Variants in ASZ1 observed in about 807,000 individuals in gnomAD.
ASZ1 encodes the protein ankyrin repeat, SAM and basic leucine zipper domain containing 1.
A neutral mutation model predicts 61.8 loss-of-function variants in ASZ1; 67 were observed. The observed-to-expected ratio is 1.08, with a 90% CI of 0.89 to 1.33. ASZ1 has a LOEUF of 1.33. ASZ1 is among the 40% of genes most tolerant of loss of function. ASZ1 has a pLI of 0.00. For synonymous variants in ASZ1, 193 were observed against 192.7 expected (o/e 1.00, Z -0.01); for missense variants, 577 against 554.5 (o/e 1.04, Z -0.41).
In ASZ1 at chr7:117,382,927, T is replaced by C. The variant is rs768791178; in HGVS notation, c.812+59A>G. 90 of 1,423,574 alleles carry C rather than the reference T, an allele frequency of 6.3e-5. No individual in the cohort carries two copies. In the Middle Eastern group the frequency reaches 9.8e-4, roughly 16 times the overall value. The allele number at this position is 1,423,574 out of a possible 1,614,324, so 88.2% of individuals were successfully genotyped here. ...AAATAAGTCACCACATTTACTACAA[T>C]AAAATATACACAAATTTTACTTATA... On this transcript the variant is annotated intron_variant, in intron 7 of 12. Transcript: ENST00000284629.
intron 4 of ASZ1, among the ~76,000 whole-genome samples, chr7:117,406,685 G>A (rs546906567): frequency 1.3e-5 from 2 of 152,072 alleles, no homozygotes; most frequent in African/African-American, 4.8e-5. Flanking sequence ...CCCGGGAGGC[G>A]GAGGTTGTGG....
intron 4 of ASZ1, 53 bp downstream of exon 4, chr7:117,420,110 C>A: frequency 2.9e-6 from 4 of 1,377,078 alleles, no homozygotes; most frequent in Non-Finnish European, 1.0e-6. Flanking sequence ...AGGCTGATAC[C>A]AAAGAAAAAT....
chr7:117,415,907 T>C (rs1200046712), intron 4 of ASZ1, among the ~76,000 whole-genome samples: 1 of 151,770 alleles, frequency 6.6e-6, no homozygotes, highest in Non-Finnish European at 1.5e-5. Context: ...AATAAAGGAG[T>C]GGGCCAGGCG....
chr7:117,370,452 C>T (rs755714703), intron 10 of ASZ1, among the ~76,000 whole-genome samples: 2 of 152,060 alleles, frequency 1.3e-5, no homozygotes, highest in Non-Finnish European at 2.9e-5. Flanking sequence ...AAAGATTAGG[C>T]ACATTAAGTA....
intron 12 of ASZ1, among the ~76,000 whole-genome samples, chr7:117,366,780 G>A (rs1241185044): frequency 1.3e-5 from 2 of 152,064 alleles, no homozygotes; most frequent in Non-Finnish European, 2.9e-5. Context: ...CCACAATCGT[G>A]TCTCTTTAAC....
intron 12 of ASZ1, among the ~76,000 whole-genome samples, chr7:117,365,566 G>A (rs1795920153): frequency 6.6e-6 from 1 of 152,098 alleles, no homozygotes; most frequent in Non-Finnish European, 1.5e-5. Flanking sequence ...ATAGCTTTTA[G>A]GAAATTTCCT....
At chr7:117,369,427 C>T (rs978783172) in intron 10 of ASZ1, among the ~76,000 whole-genome samples, 14 of 152,090 alleles carry the variant, frequency 9.2e-5, no homozygotes, top group Non-Finnish European at 1.6e-4. Flanking sequence ...TGTAGAGTTA[C>T]TAAGAGATTT....
Position 117,422,685 on chromosome 7 carries a change from G to A in ASZ1, c.206-326C>T, listed in dbSNP as rs981390393. On this transcript the variant is annotated intron_variant, in intron 2 of 12. Transcript: ENST00000284629. ...GGGGAGCTGGAAAGGTTTCACAGAG[G>A]TAAAATGTCTTTTAAATTAGAATAT... is the stretch of plus-strand genomic sequence containing the variant. 2.0e-5 allele frequency among the ~76,000 whole-genome samples: 3 copies of A among 152,152 alleles called. No homozygotes were observed. The South Asian group carries it at 6.2e-4, about 32-fold the overall frequency.
At chr7:117,420,075 G>A (rs757461111) in intron 4 of ASZ1, 88 bp downstream of exon 4, 2 of 907,390 alleles carry the variant, frequency 2.2e-6, no homozygotes, top group South Asian at 1.8e-5. Context: ...ATTTGGCCAA[G>A]TAAACATTGT....
At chr7:117,380,808 A>G (rs746097397) in intron 9 of ASZ1, among the ~76,000 whole-genome samples, 8 of 144,270 alleles carry the variant, frequency 5.5e-5, no homozygotes, top group Non-Finnish European at 7.6e-5. Context: ...AACCCAAACT[A>G]TAAGTCATTA....
chr7:117,383,613 G>C (rs755621158), intron 6 of ASZ1, among the ~76,000 whole-genome samples: 1 of 151,834 alleles, frequency 6.6e-6, no homozygotes, highest in Non-Finnish European at 1.5e-5. Flanking sequence ...ACCTCAAAAA[G>C]ATATGGTGAA....
chr7:117,388,212 G>T (rs570529260), intron 4 of ASZ1, among the ~76,000 whole-genome samples: 1 of 152,034 alleles, frequency 6.6e-6, no homozygotes, highest in Non-Finnish European at 1.5e-5. Context: ...TGGCTCCACT[G>T]GTGAATTCTA....
chr7:117,368,762 G>A (rs1455020122), intron 10 of ASZ1, 45 bp from the exon 11 acceptor site: 1 of 1,601,128 alleles, frequency 6.2e-7, no homozygotes, highest in Non-Finnish European at 8.5e-7. Context: ...ACTAATAAGA[G>A]CAATTTATTT....
intron 2 of ASZ1, 40 bp from the exon 3 acceptor site, chr7:117,422,399 C>A (rs1421113197): frequency 2.5e-6 from 4 of 1,595,912 alleles, no homozygotes; most frequent in South Asian, 2.3e-5. Flanking sequence ...CACACTACCA[C>A]CAAAGAAAAA....
chr7:117,403,534 T>TCTGA lies in ASZ1; in HGVS notation c.440+16628_440+16629insTCAG, dbSNP rs1796719495. On this transcript the variant is annotated intron_variant, in intron 4 of 12. Coordinates refer to ENST00000284629, the MANE Select transcript of ASZ1 (RefSeq NM_130768.3). ...TGGAATTTTTTGGCAGTTTGGAGGGTCAAGCCTGACAAAATACTCGTTCCC... is the reference window on the plus strand; with the variant it reads ...TGGAATTTTTTGGCAGTTTGGAGGGTCTGACAAGCCTGACAAAATACTCGTTCCC... Among the ~76,000 whole-genome samples, 3 of 152,232 alleles carry TCTGA rather than the reference T, an allele frequency of 2.0e-5. No homozygotes were observed. In the South Asian group the frequency reaches 6.2e-4, roughly 32 times the overall value.
chr7:117,386,151 T>C lies in ASZ1; in HGVS notation c.441-342A>G, dbSNP rs1192498141. 3.3e-5 allele frequency among the ~76,000 whole-genome samples: 5 copies of C among 152,358 alleles called. No homozygotes were observed. The South Asian group carries it at 6.2e-4, about 19-fold the overall frequency. On this transcript the variant is annotated intron_variant, in intron 4 of 12. Coordinates refer to ENST00000284629, the MANE Select transcript of ASZ1 (RefSeq NM_130768.3). ...CCACACTATGCTTATGCTAGGAATATAGTAATGAATGACACAAATAAGGTC... is the reference window on the plus strand; with the variant it reads ...CCACACTATGCTTATGCTAGGAATACAGTAATGAATGACACAAATAAGGTC...
chr7:117,385,883 A>G lies in ASZ1; in HGVS notation c.441-74T>C. 4 of 1,187,512 alleles carry G rather than the reference A, an allele frequency of 3.4e-6. No homozygotes were observed. In the Admixed American group the frequency reaches 7.4e-5, roughly 22 times the overall value. 73.6% of individuals were successfully genotyped at this position (1,187,512 alleles called of 1,614,324 possible). A position where few individuals can be genotyped will look rare whatever the true frequency, so the allele number is the denominator to read the frequency against. On this transcript the variant is annotated intron_variant, in intron 4 of 12. Coordinates refer to ENST00000284629, the MANE Select transcript of ASZ1 (RefSeq NM_130768.3). Reference sequence around the variant, plus strand: ...CTCTCATTTTCATTAATTTAACCATACACAATACCACCAGTACTGCTTTGA... The same window carrying G: ...CTCTCATTTTCATTAATTTAACCATGCACAATACCACCAGTACTGCTTTGA...
intron 10 of ASZ1, among the ~76,000 whole-genome samples, chr7:117,376,159 C>G (rs1796132975): frequency 6.6e-6 from 1 of 152,016 alleles, no homozygotes; most frequent in Non-Finnish European, 1.5e-5. Context: ...CAAAGAGTAG[C>G]TGGAAATACT....
Position 117,422,270 on chromosome 7 carries a change from A to C in ASZ1, c.295T>G (p.Leu99Val). 6.2e-7 allele frequency: 1 copy of C among 1,613,920 alleles called. No homozygotes were observed. Among genetic ancestry groups the C allele is most frequent in the Non-Finnish European group, 8.5e-7 (1 of 1,179,906 alleles). The change falls in exon 3 of 13, where the codon TTG becomes GTG. Residue 99 changes from leucine to valine, a missense_variant. Transcript: ENST00000284629. ...VANAELVRVL[L>V]DRGANASFEK... ...AAGCTTGCATTAGCACCTCTGTCCA[A>C]AAGGACCCGAACCAGCTCTGCATTG...
Sources: gnomAD v4.1 joint callset for allele counts (sites outside exome capture counted in the v4.1 genomes callset) on GRCh38, gnomAD v4.1.1 for gene constraint, MANE v1.5 for transcripts, NCBI Gene and HGNC (gene_info 2026-07-23, HGNC 2026-07-21) for gene names.